ESR2: variants seen among roughly 807,000 people sequenced by gnomAD.
ESR2 encodes estrogen receptor beta.
A neutral mutation model predicts 49.6 loss-of-function variants in ESR2; 36 were observed. The observed-to-expected ratio is 0.73, with a 90% confidence interval of 0.56 to 0.96. The LOEUF (loss-of-function observed/expected upper bound fraction) is 0.96. Among genes scored for constraint, ESR2 ranks in the 40% least tolerant of loss-of-function variants. ESR2 has a pLI of 0.00. For missense variants in ESR2, 714 were observed against 693.0 expected, an observed-to-expected ratio of 1.03 and a Z score of -0.34; for synonymous variants, 320 against 266.1, an observed-to-expected ratio of 1.20 and a Z score of -1.97.
intron 3 of ESR2, among the ~76,000 whole-genome samples, chr14:64,271,595 G>C (rs756246915): frequency 6.6e-6 from 1 of 152,198 alleles, no homozygotes; most frequent in Non-Finnish European, 1.5e-5. Flanking sequence ...CAAAGTGCTA[G>C]GATTACAGGC....
intron 1 of ESR2, among the ~76,000 whole-genome samples, chr14:64,299,785 T>C (rs996470962): frequency 2.6e-5 from 4 of 152,210 alleles, no homozygotes; most frequent in Non-Finnish European, 5.9e-5. Context: ...TTCTCTCTTA[T>C]TCAGTCCTCT....
upstream of ESR2, among the ~76,000 whole-genome samples, chr14:64,294,923 G>C (rs2076934826): frequency 6.6e-6 from 1 of 152,196 alleles, no homozygotes; most frequent in Non-Finnish European, 1.5e-5. Flanking sequence ...GTACTTCCTC[G>C]AACTCACTTG....
At chr14:64,288,205 T>C (rs901926702) in intron 1 of ESR2, among the ~76,000 whole-genome samples, 4 of 152,176 alleles carry the variant, frequency 2.6e-5, no homozygotes, top group Admixed American at 1.3e-4. Context: ...CATGGTGTTC[T>C]AATGTACTGG....
At chr14:64,290,334 G>C (rs535568438) in intron 1 of ESR2, among the ~76,000 whole-genome samples, 2 of 152,058 alleles carry the variant, frequency 1.3e-5, no homozygotes, top group African/African-American at 4.8e-5. Flanking sequence ...GCCTCCCAAA[G>C]TGCTGTGATC....
Position 64,232,602 on chromosome 14 carries a change from A to G in ESR2, c.*535T>C, listed in dbSNP as rs1456210478. ...TGGCCTTTGACAGAATAAGCATCATATGATATGATCAGTCCCCACAGGCCT... is the reference window on the plus strand; with the variant it reads ...TGGCCTTTGACAGAATAAGCATCATGTGATATGATCAGTCCCCACAGGCCT... On this transcript the variant is annotated 3_prime_UTR_variant, in exon 9 of 9. Transcript: ENST00000341099. 6.5e-6 allele frequency: 1 copy of G among 152,672 alleles called. No individual in the cohort carries two copies. The highest frequency in any genetic ancestry group is 1.9e-4 in the East Asian group (1 of 5,202). 9.5% of individuals were successfully genotyped at this position (152,672 alleles called of 1,614,324 possible).
At chr14:64,260,977 T>C (rs962366581) in intron 4 of ESR2, among the ~76,000 whole-genome samples, 1 of 138,356 alleles carries the variant, frequency 7.2e-6, no homozygotes, top group Non-Finnish European at 1.6e-5. Flanking sequence ...CTCATAAACC[T>C]GTTTCCAAAC....
rs763274235 is a variant in ESR2, at chr14:64,253,602, G to GTATA, written c.1091+3623_1091+3624insTATA. 4.0e-3 allele frequency among the ~76,000 whole-genome samples: 491 copies of GTATA among 122,172 alleles called. 5 individuals are homozygous for GTATA. Among genetic ancestry groups the GTATA allele is most frequent in the African/African-American group, 0.011 (368 of 33,226 alleles). 80.1% of individuals were successfully genotyped at this position (122,172 alleles called of 152,430 possible). On this transcript the variant is annotated intron_variant, in intron 6 of 8. Coordinates refer to ENST00000341099, the MANE Select transcript of ESR2 (RefSeq NM_001437.3). ...TGTGTGTGTGTGTGTGTGTGTGTGTGTGTATGTATGTGTGTGTATATATAT... is the reference window on the plus strand; with the variant it reads ...TGTGTGTGTGTGTGTGTGTGTGTGTGTATATGTATGTATGTGTGTGTATATATAT...
intron 4 of ESR2, among the ~76,000 whole-genome samples, chr14:64,261,994 C>A (rs1430829275): frequency 6.6e-6 from 1 of 152,134 alleles, no homozygotes; most frequent in Non-Finnish European, 1.5e-5. Context: ...TTCTCAGAAC[C>A]CATTGGGCAT....
At chr14:64,270,066 T>C (rs918302685) in intron 3 of ESR2, among the ~76,000 whole-genome samples, 1 of 152,088 alleles carries the variant, frequency 6.6e-6, no homozygotes, top group Admixed American at 6.6e-5. Context: ...TGAAAGTGAA[T>C]AGGGCATTTT....
intron 4 of ESR2, among the ~76,000 whole-genome samples, chr14:64,267,660 A>AG (rs1425962309): frequency 6.6e-6 from 1 of 151,774 alleles, no homozygotes; most frequent in Admixed American, 6.6e-5. Context: ...GCAGATCACG[A>AG]GGTCAGGAGA....
In ESR2 at chr14:64,257,342, G is replaced by A. The variant is rs58256696; in HGVS notation, c.975C>T (p.Phe325=). The part of the protein sequence containing the change: ...KIPGFVELSL[F]DQVRLLESCW... ...AGCTCTCCAAGAGCCGCACTTGGTC[G>A]AACAGGCTGAGCTCCACAAAGCCTG... The change falls in exon 6 of 9, where the codon TTC becomes TTT. Residue 325 remains phenylalanine (F), a synonymous_variant. Transcript: ENST00000341099. The A allele has an allele frequency of 9.2e-5, 149 of 1,613,090 alleles. No homozygotes were observed. In the African/African-American group the frequency reaches 1.5e-3, roughly 16 times the overall value.
chr14:64,254,562 C>G (rs1053986591), intron 6 of ESR2, among the ~76,000 whole-genome samples: 1 of 145,494 alleles, frequency 6.9e-6, no homozygotes, highest in Non-Finnish European at 1.5e-5. Flanking sequence ...GCTTGGCCAA[C>G]ATGGTAAAAC....
chr14:64,278,558 C>T (rs2076602274), intron 3 of ESR2, among the ~76,000 whole-genome samples: 1 of 152,134 alleles, frequency 6.6e-6, no homozygotes, highest in Admixed American at 6.5e-5. Flanking sequence ...AAGAACAAAG[C>T]ATTGGGGCTT....
chr14:64,313,870 C>T (rs57701478), intron 1 of ESR2, among the ~76,000 whole-genome samples: 10,078 of 142,594 alleles, frequency 0.071, 372 homozygotes, highest in South Asian at 0.11. Flanking sequence ...CACAGGGAGA[C>T]TCTGTCTCAA....
chr14:64,313,398 G>A (rs111227827), intron 1 of ESR2, among the ~76,000 whole-genome samples: 293 of 152,050 alleles, frequency 1.9e-3, no homozygotes, highest in African/African-American at 6.9e-3. Context: ...GCCAGATGTG[G>A]TGGTGCACAC....
At chr14:64,290,912 G>A (rs567060192) in intron 1 of ESR2, among the ~76,000 whole-genome samples, 1 of 152,260 alleles carries the variant, frequency 6.6e-6, no homozygotes, top group East Asian at 1.9e-4. Flanking sequence ...TTATTTAGTT[G>A]GATAGGAAAG....
chr14:64,286,428 G>C (rs1322845220), intron 1 of ESR2, among the ~76,000 whole-genome samples: 1 of 151,518 alleles, frequency 6.6e-6, no homozygotes, highest in Non-Finnish European at 1.5e-5. Context: ...AGCCTCCCTA[G>C]TAGCTGGGAT....
intron 3 of ESR2, among the ~76,000 whole-genome samples, chr14:64,276,136 A>G (rs2140794099): frequency 6.6e-6 from 1 of 152,314 alleles, no homozygotes; most frequent in African/African-American, 2.4e-5. Flanking sequence ...AAAACTATAC[A>G]CAAAACTATC....
At chr14:64,275,922 T>C (rs2076549677) in intron 3 of ESR2, among the ~76,000 whole-genome samples, 1 of 152,146 alleles carries the variant, frequency 6.6e-6, no homozygotes, top group African/African-American at 2.4e-5. Flanking sequence ...ATATTTTAAA[T>C]CAATGAAAAA....
Sources: allele counts gnomAD v4.1 joint callset (sites outside exome capture counted in the v4.1 genomes callset), GRCh38; gene constraint gnomAD v4.1.1; transcripts MANE v1.5; gene names NCBI Gene and HGNC (gene_info 2026-07-23, HGNC 2026-07-21).